Variants in PLXNA4 observed in about 807,000 individuals in gnomAD.
PLXNA4 encodes plexin A4.
Under a neutral mutation model 191.8 loss-of-function variants are expected in PLXNA4, and 44 were observed. The observed-to-expected ratio is 0.23, with a 90% CI of 0.18 to 0.29. The LOEUF (loss-of-function observed/expected upper bound fraction) is 0.29, where lower values mean the gene tolerates loss of function less well. Among genes scored for constraint, PLXNA4 ranks in the 10% least tolerant of loss-of-function variants. The probability of loss-of-function intolerance (pLI) is 1.00; values close to 1 mark genes in which losing one functional copy is unlikely to be tolerated. For synonymous variants in PLXNA4, 1,082 were observed against 1,009.5 expected (o/e 1.07, Z -1.36); for missense variants, 1,800 against 2,488.8 (o/e 0.72, Z 5.89).
intron 3 of PLXNA4, among the ~76,000 whole-genome samples, chr7:132,464,117 C>A (rs1796612267): frequency 6.6e-6 from 1 of 152,194 alleles, no homozygotes; most frequent in African/African-American, 2.4e-5. Context: ...AACATTTCTC[C>A]CCACTTAATA....
intron 2 of PLXNA4, among the ~76,000 whole-genome samples, chr7:132,609,782 C>T (rs917873147): frequency 2.0e-5 from 3 of 152,212 alleles, no homozygotes; most frequent in Non-Finnish European, 4.4e-5. Flanking sequence ...TGGGCTGCCC[C>T]CCATTGGCAG....
At chr7:132,269,465 T>A (rs1176264568) in intron 4 of PLXNA4, among the ~76,000 whole-genome samples, 1 of 151,040 alleles carries the variant, frequency 6.6e-6, no homozygotes, top group Non-Finnish European at 1.5e-5. Flanking sequence ...GAAAGGATGC[T>A]GCTCATGATG....
chr7:132,535,786 C>T (rs1456624971), intron 1 of PLXNA4, among the ~76,000 whole-genome samples: 1 of 5,270 alleles, frequency 1.9e-4, no homozygotes, highest in Non-Finnish European at 0.013. Flanking sequence ...GGCATCTTCC[C>T]CTGCACCAAT....
intron 3 of PLXNA4, among the ~76,000 whole-genome samples, chr7:132,303,224 G>A (rs1801376184): frequency 6.7e-6 from 1 of 150,086 alleles, no homozygotes; most frequent in African/African-American, 2.5e-5. Context: ...CCTAAACAAT[G>A]AGAAAGGATG....
chr7:132,583,469 G>T (rs1392498099), intron 2 of PLXNA4, among the ~76,000 whole-genome samples: 1 of 152,206 alleles, frequency 6.6e-6, no homozygotes, highest in Non-Finnish European at 1.5e-5. Flanking sequence ...GCCCTCAGCA[G>T]CTTCCAGAGA....
At chr7:132,488,021 C>T (rs1036444706) in intron 3 of PLXNA4, among the ~76,000 whole-genome samples, 7 of 152,184 alleles carry the variant, frequency 4.6e-5, no homozygotes, top group Non-Finnish European at 7.3e-5. Flanking sequence ...TCAAATTAGG[C>T]AGTTACTTCC....
At chr7:132,364,417 C>G (rs980757752) in intron 3 of PLXNA4, among the ~76,000 whole-genome samples, 3 of 152,210 alleles carry the variant, frequency 2.0e-5, no homozygotes, top group African/African-American at 7.2e-5. Flanking sequence ...GACTCCTTGT[C>G]CTCTCTGCAC....
intron 2 of PLXNA4, among the ~76,000 whole-genome samples, chr7:132,588,297 T>C (rs910602414): frequency 2.0e-5 from 3 of 151,970 alleles, no homozygotes; most frequent in African/African-American, 7.2e-5. Context: ...TTAAATGACC[T>C]GAACAATGGC....
chr7:132,509,885 C>G (rs1386657348), intron 1 of PLXNA4, among the ~76,000 whole-genome samples: 1 of 152,212 alleles, frequency 6.6e-6, no homozygotes, highest in African/African-American at 2.4e-5. Flanking sequence ...ACTGCCCAAC[C>G]CTGAGCCCTA....
At position 132,508,865 on chromosome 7, in the gene PLXNA4, G is replaced by T; in HGVS notation, c.-86-86C>A. The T allele has an allele frequency of 7.7e-7, 1 of 1,293,818 alleles. No homozygotes were observed. The allele number at this position is 1,293,818 out of a possible 1,614,324, so 80.1% of individuals were successfully genotyped here. On this transcript the variant is annotated intron_variant, in intron 1 of 31. Coordinates refer to ENST00000321063, the MANE Select transcript of PLXNA4 (RefSeq NM_020911.2). The surrounding 1 kb of genome is among the most constrained non-coding windows in gnomAD (Gnocchi z 4.4). The stretch of plus-strand genomic sequence containing the variant: ...GCTTGTCTGCCTGGACTTTCAAAAT[G>T]TTCTGCACACACTGAGCAGAACTGC...
At chr7:132,370,742 A>G (rs542828960) in intron 3 of PLXNA4, among the ~76,000 whole-genome samples, 2 of 151,766 alleles carry the variant, frequency 1.3e-5, no homozygotes, top group African/African-American at 4.8e-5. Flanking sequence ...CATTCTATTG[A>G]CTCCTTATCA....
intron 3 of PLXNA4, among the ~76,000 whole-genome samples, chr7:132,325,593 A>C (rs1802326500): frequency 6.6e-6 from 1 of 152,216 alleles, no homozygotes; most frequent in Non-Finnish European, 1.5e-5. Flanking sequence ...GGAGGCAGAC[A>C]CTGGAGCAAT....
At chr7:132,477,370 G>A (rs1236410694) in intron 3 of PLXNA4, among the ~76,000 whole-genome samples, 1 of 152,130 alleles carries the variant, frequency 6.6e-6, no homozygotes, top group Non-Finnish European at 1.5e-5. Context: ...TAACAACCAC[G>A]GCACGGTTCT....
At chr7:132,365,286 G>A (rs1486692660) in intron 3 of PLXNA4, among the ~76,000 whole-genome samples, 1 of 152,016 alleles carries the variant, frequency 6.6e-6, no homozygotes, top group Non-Finnish European at 1.5e-5. Context: ...TGTCCCTTCA[G>A]GGGTTTCCAT....
At chr7:132,435,158 C>T (rs779508099) in intron 3 of PLXNA4, among the ~76,000 whole-genome samples, 1 of 152,158 alleles carries the variant, frequency 6.6e-6, no homozygotes, top group Non-Finnish European at 1.5e-5. Context: ...CACAGACCCA[C>T]GTCCTCATTT....
chr7:132,413,983 C>T (rs1426017878), intron 3 of PLXNA4, among the ~76,000 whole-genome samples: 1 of 152,224 alleles, frequency 6.6e-6, no homozygotes, highest in East Asian at 1.9e-4. Flanking sequence ...CTACACAAGT[C>T]TCCCAATCAT....
At chr7:132,496,980 G>C (rs937125080) in intron 2 of PLXNA4, among the ~76,000 whole-genome samples, 15 of 152,206 alleles carry the variant, frequency 9.9e-5, no homozygotes, top group African/African-American at 3.4e-4. Context: ...GTTTTGAAAA[G>C]AAATTCAAGT....
At chr7:132,439,215 G>C (rs1323777766) in intron 3 of PLXNA4, among the ~76,000 whole-genome samples, 1 of 152,118 alleles carries the variant, frequency 6.6e-6, no homozygotes, top group African/African-American at 2.4e-5. Context: ...TCAGACACGT[G>C]GCCCACAGGT....
At chr7:132,178,845 TACACACACACACACAC>T (rs56027205) in intron 20 of PLXNA4, among the ~76,000 whole-genome samples, 1 of 83,536 alleles carries the variant, frequency 1.2e-5, no homozygotes, top group Non-Finnish European at 2.1e-5. Context: ...TACACATATA[TACACACACACACACAC>T]ACACACACAC....
Sources: allele counts gnomAD v4.1 joint callset (sites outside exome capture counted in the v4.1 genomes callset), GRCh38; gene constraint gnomAD v4.1.1; non-coding constraint Gnocchi (gnomAD v3.1); transcripts MANE v1.5; gene names NCBI Gene and HGNC (gene_info 2026-07-23, HGNC 2026-07-21).